The following STK32B variants were observed in gnomAD, a reference collection of about 807,000 sequenced individuals.
STK32B encodes the protein serine/threonine-protein kinase 32B.
STK32B carries 43 observed loss-of-function variants against 52.6 expected under a neutral mutation model. That is an observed-to-expected ratio of 0.82 (90% CI 0.64 to 1.05). The LOEUF is 1.05. Among genes scored for constraint, STK32B ranks in the 50% least tolerant of loss-of-function variants. The probability of loss-of-function intolerance (pLI) is 0.00; values close to 1 mark genes in which losing one functional copy is unlikely to be tolerated. For synonymous variants in STK32B, 238 were observed against 204.3 expected (o/e 1.17, Z -1.41); for missense variants, 621 against 534.6 (o/e 1.16, Z -1.59).
At chr4:5,497,426 C>T (rs1041806914) in intron 11 of STK32B, among the ~76,000 whole-genome samples, 15 of 152,224 alleles carry the variant, frequency 9.9e-5, no homozygotes, top group African/African-American at 2.2e-4. Context: ...GGCCTCAACC[C>T]GAAGGGAGCC....
At chr4:5,232,188 A>G (rs1274048252) in intron 3 of STK32B, among the ~76,000 whole-genome samples, 1 of 152,166 alleles carries the variant, frequency 6.6e-6, no homozygotes, top group Non-Finnish European at 1.5e-5. Context: ...AATTTTCTGT[A>G]ATAGAATGCA....
At chr4:5,270,660 C>G (rs965725826) in intron 3 of STK32B, among the ~76,000 whole-genome samples, 1 of 152,190 alleles carries the variant, frequency 6.6e-6, no homozygotes. Context: ...AATATCCACT[C>G]TCACTACTTT....
At position 5,425,643 on chromosome 4, in the gene STK32B, G is replaced by A. The variant is rs556764082; in HGVS notation, c.562+8709G>A. Among the ~76,000 whole-genome samples the A allele has an allele frequency of 7.2e-5, 11 of 152,302 alleles. No homozygotes were observed. In the East Asian group the frequency reaches 1.3e-3, roughly 19 times the overall value. On this transcript the variant is annotated intron_variant, in intron 6 of 11. Coordinates refer to ENST00000282908, the MANE Select transcript of STK32B (RefSeq NM_018401.3). ...CCAAACTGATAAATATGGAGTTTGA[G>A]ATGCTTAGTTTTGAGGAATAATTTT...
At chr4:5,127,861 G>C in intron 1 of STK32B, among the ~76,000 whole-genome samples, 1 of 152,098 alleles carries the variant, frequency 6.6e-6, no homozygotes, top group East Asian at 1.9e-4. Context: ...GTTTTTCCCA[G>C]CTGTTCTCGT....
At chr4:5,312,802 A>G (rs547116645) in intron 3 of STK32B, among the ~76,000 whole-genome samples, 224 of 152,144 alleles carry the variant, frequency 1.5e-3, no homozygotes, top group African/African-American at 5.0e-3. Context: ...GTATATACCC[A>G]GTAATGGGAT....
intron 1 of STK32B, among the ~76,000 whole-genome samples, chr4:5,052,531 C>G (rs62291618): frequency 0.19 from 28,578 of 152,038 alleles, 2,828 homozygotes; most frequent in Middle Eastern, 0.25. Flanking sequence ...CTGGCTGGAT[C>G]CTTGCGGTTC....
At chr4:5,339,949 C>A (rs1425203380) in intron 4 of STK32B, among the ~76,000 whole-genome samples, 5 of 152,178 alleles carry the variant, frequency 3.3e-5, no homozygotes, top group African/African-American at 1.2e-4. Flanking sequence ...GGTGACGAAA[C>A]TCCATCCTTT....
intron 8 of STK32B, chr4:5,458,943 A>C (rs543691260): frequency 6.6e-6 from 1 of 152,332 alleles, no homozygotes; most frequent in South Asian, 2.1e-4. Context: ...AACCATGTGG[A>C]AGCCTTACAT....
At chr4:5,322,957 C>T (rs1023356702) in intron 3 of STK32B, among the ~76,000 whole-genome samples, 2 of 152,178 alleles carry the variant, frequency 1.3e-5, no homozygotes, top group Non-Finnish European at 2.9e-5. Flanking sequence ...GACATGCTTT[C>T]CAAGAAAACT....
At chr4:5,190,976 C>T (rs1577166724) in intron 3 of STK32B, among the ~76,000 whole-genome samples, 2 of 152,324 alleles carry the variant, frequency 1.3e-5, no homozygotes, top group Non-Finnish European at 2.9e-5. Context: ...GTAACACTGC[C>T]TGCACTTTTC....
chr4:5,342,281 CAA>C (rs1733136474), intron 4 of STK32B, among the ~76,000 whole-genome samples: 2 of 152,116 alleles, frequency 1.3e-5, no homozygotes, highest in Admixed American at 1.3e-4. Flanking sequence ...TTCACAACAG[CAA>C]AGACTTGGAA....
intron 4 of STK32B, among the ~76,000 whole-genome samples, chr4:5,360,355 A>G (rs1458543347): frequency 1.3e-5 from 2 of 152,142 alleles, no homozygotes; most frequent in East Asian, 3.9e-4. Context: ...GGAAAAGACT[A>G]GATACGCTCA....
At chr4:5,036,924 C>G in the STK32B span, among the ~76,000 whole-genome samples, 1 of 151,968 alleles carries the variant, frequency 6.6e-6, no homozygotes, top group Non-Finnish European at 1.5e-5. Context: ...CCTCGGCCTC[C>G]CAAAGTGCTG....
intron 11 of STK32B, among the ~76,000 whole-genome samples, chr4:5,490,398 C>T (rs995681453): frequency 1.4e-4 from 22 of 152,174 alleles, no homozygotes; most frequent in South Asian, 2.1e-4. Context: ...TGAGCCACCA[C>T]GCCTGGCCTG....
chr4:5,354,798 G>A (rs772965656), intron 4 of STK32B, among the ~76,000 whole-genome samples: 1 of 151,980 alleles, frequency 6.6e-6, no homozygotes, highest in Non-Finnish European at 1.5e-5. Flanking sequence ...AAAATTGTAT[G>A]TACCCCATAA....
chr4:5,270,871 A>G (rs1429246529), intron 3 of STK32B, among the ~76,000 whole-genome samples: 3 of 152,220 alleles, frequency 2.0e-5, no homozygotes, highest in Non-Finnish European at 2.9e-5. Flanking sequence ...CAAGATCAAT[A>G]TATAAAATTT....
chr4:5,155,239 A>G (rs1461782111), intron 2 of STK32B, among the ~76,000 whole-genome samples: 5 of 151,764 alleles, frequency 3.3e-5, no homozygotes, highest in African/African-American at 9.7e-5. Context: ...CTCCACCTCA[A>G]CCTTCCATAT....
At chr4:5,039,552 ATAAC>A in the STK32B span, among the ~76,000 whole-genome samples, 1 of 152,172 alleles carries the variant, frequency 6.6e-6, no homozygotes, top group Non-Finnish European at 1.5e-5. Flanking sequence ...AGGCTGCTTC[ATAAC>A]TAACTTTTTT....
chr4:5,466,924 C>T, intron 10 of STK32B, 90 bp downstream of exon 10: 4 of 1,454,582 alleles, frequency 2.7e-6, no homozygotes, highest in Non-Finnish European at 3.7e-6. Context: ...AAAAAGGGGA[C>T]ATTTCAATCC....
Sources: allele counts gnomAD v4.1 joint callset (sites outside exome capture counted in the v4.1 genomes callset), GRCh38; gene constraint gnomAD v4.1.1; transcripts MANE v1.5; gene names NCBI Gene and HGNC (gene_info 2026-07-23, HGNC 2026-07-21).